Variants in CHSY1 observed in about 807,000 individuals in gnomAD.
CHSY1 encodes the protein chondroitin sulfate synthase 1, also known as N-acetylgalactosaminyl-proteoglycan 3-beta-glucuronosyltransferase 1.
A neutral mutation model predicts 59.8 loss-of-function variants in CHSY1; 13 were observed. The ratio of observed to expected loss-of-function variants is 0.22; its 90% CI spans 0.14 to 0.35. The LOEUF (loss-of-function observed/expected upper bound fraction) is 0.35, where lower values mean the gene tolerates loss of function less well. CHSY1 is among the 10% of genes least tolerant of loss of function. CHSY1 has a pLI of 1.00. For missense variants in CHSY1, 947 were observed against 1,030.6 expected (o/e 0.92, Z 1.11); for synonymous variants, 459 against 401.2 (o/e 1.14, Z -1.72).
In CHSY1 at chr15:101,176,096, A is replaced by G. The variant is rs978809298; in HGVS notation, c.*1292T>C. 2.5e-6 allele frequency: 1 copy of G among 396,418 alleles called. No individual in the cohort carries two copies. The allele number at this position is 396,418 out of a possible 1,614,324, so 24.6% of individuals were successfully genotyped here. ...AATATAAAAATTAAGGAGGGGAAAA[A>G]GCGTTTCCAAAAGGAAATCTTTGGA... On this transcript the variant is annotated 3_prime_UTR_variant, in exon 3 of 3. Coordinates refer to ENST00000254190, the MANE Select transcript of CHSY1 (RefSeq NM_014918.5).
At chr15:101,214,368 C>A (rs1010911413) in intron 2 of CHSY1, among the ~76,000 whole-genome samples, 4 of 152,226 alleles carry the variant, frequency 2.6e-5, no homozygotes, top group Non-Finnish European at 1.5e-5. Flanking sequence ...CAGTTTATAT[C>A]ATAAAAGCAC....
chr15:101,235,118 C>T lies in CHSY1; in HGVS notation c.780G>A (p.Arg260=), dbSNP rs768279919. Residue 260 remains arginine, a synonymous_variant, in exon 2 of 3, where the codon CGG becomes CGA. Coordinates refer to ENST00000254190, the MANE Select transcript of CHSY1 (RefSeq NM_014918.5). ...AGACACACTGCACCCCTGCAAACCT[C>T]CGGACACACCTTCCCACCTCCACGT... ...HEDVEVGRCV[R]RFAGVQCVWS... is the part of the protein sequence containing the mutation. 3.7e-5 allele frequency: 60 copies of T among 1,614,032 alleles called. No individual in the cohort carries two copies. The highest frequency in any genetic ancestry group is 4.7e-5 in the Non-Finnish European group (55 of 1,180,038).
At position 101,251,290 on chromosome 15, in the gene CHSY1, G is replaced by T. The variant is rs2039108430; in HGVS notation, c.167C>A (p.Ser56Tyr). Reference protein sequence around the residue: ...EGCRSGQAAASQAGGARGDAR... With the variant: ...EGCRSGQAAAYQAGGARGDAR... ...ATCGCCGCGCGCCCCGCCGGCCTGG[G>T]AAGCCGCCGCCTGCCCGGACCGGCA... is the stretch of plus-strand genomic sequence containing the variant. The change falls in exon 1 of 3, where the codon TCC (serine) becomes TAC (tyrosine). Residue 56 changes from serine to tyrosine, a missense_variant. Transcript: ENST00000254190. 8.1e-7 allele frequency: 1 copy of T among 1,237,334 alleles called. No homozygotes were observed. Among genetic ancestry groups the T allele is most frequent in the Non-Finnish European group, 1.0e-6 (1 of 993,210 alleles). The allele number at this position is 1,237,334 out of a possible 1,614,324, so 76.6% of individuals were successfully genotyped here.
At chr15:101,182,788 T>G (rs1032838719) in intron 2 of CHSY1, among the ~76,000 whole-genome samples, 1 of 152,208 alleles carries the variant, frequency 6.6e-6, no homozygotes, top group Non-Finnish European at 1.5e-5. Flanking sequence ...GACACTAGTT[T>G]TAAAAGCCTC....
At chr15:101,210,558 A>T (rs1197097444) in intron 2 of CHSY1, among the ~76,000 whole-genome samples, 3 of 152,212 alleles carry the variant, frequency 2.0e-5, no homozygotes, top group African/African-American at 7.2e-5. Context: ...AATCAAGAAG[A>T]CTGCGAAATG....
intron 2 of CHSY1, among the ~76,000 whole-genome samples, chr15:101,198,817 T>C (rs1410586183): frequency 6.6e-6 from 1 of 152,204 alleles, no homozygotes; most frequent in African/African-American, 2.4e-5. Context: ...CAGCTGTTTT[T>C]GCATTACAGT....
At position 101,187,050 on chromosome 15, in the gene CHSY1, A is replaced by G. The variant is rs1035470691; in HGVS notation, c.817-8070T>C. ...ACTATATTTGAAGCATTAAAGGGCA[A>G]TAACACGTCCCTATTAACTGTTTCT... On this transcript the variant is annotated intron_variant, in intron 2 of 2. Coordinates refer to ENST00000254190, the MANE Select transcript of CHSY1 (RefSeq NM_014918.5). 2.6e-5 allele frequency among the ~76,000 whole-genome samples: 4 copies of G among 152,374 alleles called. No individual in the cohort carries two copies. In the East Asian group the frequency reaches 5.8e-4, roughly 22 times the overall value.
chr15:101,246,298 G>C (rs564590299), intron 1 of CHSY1, among the ~76,000 whole-genome samples: 4 of 150,086 alleles, frequency 2.7e-5, no homozygotes, highest in Non-Finnish European at 5.9e-5. Flanking sequence ...AACAAAAGGT[G>C]TTGGATTAGC....
chr15:101,225,987 A>AC (rs1244960621), intron 2 of CHSY1, among the ~76,000 whole-genome samples: 1 of 152,210 alleles, frequency 6.6e-6, no homozygotes, highest in Non-Finnish European at 1.5e-5. Context: ...CAATGGTGGA[A>AC]CCATTTCAGA....
intron 2 of CHSY1, among the ~76,000 whole-genome samples, chr15:101,205,186 A>C (rs910296287): frequency 6.6e-6 from 1 of 151,880 alleles, no homozygotes; most frequent in African/African-American, 2.4e-5. Context: ...GCAATACCTC[A>C]TATGCTTGAG....
chr15:101,244,896 A>G (rs2039036120), intron 1 of CHSY1, among the ~76,000 whole-genome samples: 2 of 152,352 alleles, frequency 1.3e-5, no homozygotes, highest in South Asian at 2.1e-4. Context: ...TTTCCACTTC[A>G]TATGTACACA....
Position 101,251,134 on chromosome 15 carries a change from C to A in CHSY1, c.320+3G>T, listed in dbSNP as rs1188292357. 2 of 1,578,138 alleles carry A rather than the reference C, an allele frequency of 1.3e-6. No individual in the cohort carries two copies. The highest frequency in any genetic ancestry group is 8.6e-7 in the Non-Finnish European group (1 of 1,166,622). ...AGGCGGTGCCCGGGGAGCAGGGGCTCACCTGTAGGCGGCCACGGCCCGAGT... is the reference window on the plus strand; with the variant it reads ...AGGCGGTGCCCGGGGAGCAGGGGCTAACCTGTAGGCGGCCACGGCCCGAGT... On this transcript the variant is annotated splice_donor_region_variant and intron_variant, in intron 1 of 2. Transcript: ENST00000254190.
At chr15:101,230,010 C>T (rs952639215) in intron 2 of CHSY1, among the ~76,000 whole-genome samples, 25 of 150,752 alleles carry the variant, frequency 1.7e-4, no homozygotes, top group Admixed American at 7.9e-4. Context: ...GGCGTGATCT[C>T]GGCTCACTTC....
chr15:101,208,274 G>A (rs375061988), intron 2 of CHSY1, among the ~76,000 whole-genome samples: 19 of 152,128 alleles, frequency 1.2e-4, no homozygotes, highest in African/African-American at 4.6e-4. Context: ...TCTAGATCTT[G>A]GCTTCTAAAT....
chr15:101,187,452 C>T (rs2038385835), intron 2 of CHSY1: 1 of 152,188 alleles, frequency 6.6e-6, no homozygotes, highest in African/African-American at 2.4e-5. Flanking sequence ...GCACTCCAGC[C>T]TGGGCAACAG....
chr15:101,192,726 G>A (rs329290), intron 2 of CHSY1, among the ~76,000 whole-genome samples: 138,068 of 152,248 alleles, frequency 0.91, 62,674 homozygotes, highest in African/African-American at 0.95. Context: ...GCCTGGCATT[G>A]ATGTATTCCC....
chr15:101,205,143 CTTTT>C (rs977674276), intron 2 of CHSY1, among the ~76,000 whole-genome samples: 1 of 151,192 alleles, frequency 6.6e-6, no homozygotes, highest in African/African-American at 2.4e-5. Flanking sequence ...AATATTTTAT[CTTTT>C]TTTTTCTTTT....
chr15:101,190,300 A>T (rs1293243070), intron 2 of CHSY1, among the ~76,000 whole-genome samples: 2 of 152,224 alleles, frequency 1.3e-5, no homozygotes, highest in Non-Finnish European at 2.9e-5. Flanking sequence ...TAAAGCTTTA[A>T]ATTCCATAGT....
intron 2 of CHSY1, chr15:101,187,830 C>G (rs2038390495): frequency 6.0e-6 from 1 of 166,294 alleles, no homozygotes. Context: ...TCCTTCAACT[C>G]CAGCAAAGCC....
Sources: allele counts gnomAD v4.1 joint callset (sites outside exome capture counted in the v4.1 genomes callset), GRCh38; gene constraint gnomAD v4.1.1; transcripts MANE v1.5; gene names NCBI Gene and HGNC (gene_info 2026-07-23, HGNC 2026-07-21).